Variants in FER1L6 observed in about 807,000 individuals in gnomAD.
The protein encoded by FER1L6 is fer-1 like family member 6.
A neutral mutation model predicts 219.2 loss-of-function variants in FER1L6; 177 were observed. The ratio of observed to expected loss-of-function variants is 0.81; its 90% CI spans 0.71 to 0.91. The LOEUF (loss-of-function observed/expected upper bound fraction) is 0.91, where lower values mean the gene tolerates loss of function less well. Among genes scored for constraint, FER1L6 ranks in the 40% least tolerant of loss-of-function variants. The probability of loss-of-function intolerance (pLI) is 0.00; values close to 1 mark genes in which losing one functional copy is unlikely to be tolerated. For synonymous variants in FER1L6, 768 were observed against 824.3 expected, an observed-to-expected ratio of 0.93 and a Z score of 1.17; for missense variants, 2,153 against 2,259.9, an observed-to-expected ratio of 0.95 and a Z score of 0.96.
At chr8:123,922,968 TA>T (rs1052873446) in intron 1 of FER1L6, among the ~76,000 whole-genome samples, 3 of 123,248 alleles carry the variant, frequency 2.4e-5, no homozygotes, top group Non-Finnish European at 3.4e-5. Context: ...CTGAGATTTA[TA>T]CAGCCCCCCC....
At chr8:123,957,576 C>T (rs1049699436) in intron 2 of FER1L6, among the ~76,000 whole-genome samples, 3 of 152,134 alleles carry the variant, frequency 2.0e-5, no homozygotes, top group African/African-American at 7.2e-5. Context: ...CATTTTATAA[C>T]AGAGGTTCAG....
intron 1 of FER1L6, among the ~76,000 whole-genome samples, chr8:123,911,057 G>A (rs769156932): frequency 2.6e-5 from 4 of 152,058 alleles, no homozygotes; most frequent in Non-Finnish European, 4.4e-5. Context: ...TGACAGTGAC[G>A]ATTATGATGA....
At chr8:123,941,554 TG>T (rs1304474375) in intron 1 of FER1L6, among the ~76,000 whole-genome samples, 2 of 152,242 alleles carry the variant, frequency 1.3e-5, no homozygotes, top group Non-Finnish European at 2.9e-5. Flanking sequence ...TTTCCTGTGC[TG>T]TGCCATCAAT....
At chr8:123,945,630 C>G (rs1404763890) in intron 1 of FER1L6, among the ~76,000 whole-genome samples, 1 of 152,196 alleles carries the variant, frequency 6.6e-6, no homozygotes, top group Admixed American at 6.5e-5. Context: ...TCTTTGTGAG[C>G]AATTGCACTG....
chr8:124,028,800 G>A lies in FER1L6; in HGVS notation c.2286+5204G>A, dbSNP rs191832694. ...ATTTTATTATTTTACTTTAAGTTCC[G>A]GGATACATGTGCACAATGTGCAGGT... is the stretch of plus-strand genomic sequence containing the variant. On this transcript the variant is annotated intron_variant, in intron 18 of 40. Coordinates refer to ENST00000522917, the MANE Select transcript of FER1L6 (RefSeq NM_001039112.2). Among the ~76,000 whole-genome samples the A allele has an allele frequency of 3.0e-4, 46 of 152,258 alleles. No individual in the cohort carries two copies. The East Asian group carries it at 3.7e-3, about 12-fold the overall frequency.
At chr8:123,923,381 C>T (rs1465797181) in intron 1 of FER1L6, among the ~76,000 whole-genome samples, 1 of 152,170 alleles carries the variant, frequency 6.6e-6, no homozygotes, top group African/African-American at 2.4e-5. Context: ...TCCACGTATT[C>T]TGTTGAACTA....
At chr8:123,988,587 T>C (rs1034175898) in intron 12 of FER1L6, among the ~76,000 whole-genome samples, 106 of 152,340 alleles carry the variant, frequency 7.0e-4, no homozygotes, top group African/African-American at 2.5e-3. Flanking sequence ...TTTGTGGCTA[T>C]TGTAAATGGG....
chr8:123,935,513 C>T (rs1295316678), intron 1 of FER1L6, among the ~76,000 whole-genome samples: 1 of 152,146 alleles, frequency 6.6e-6, no homozygotes, highest in Non-Finnish European at 1.5e-5. Context: ...TGAATTTTGG[C>T]AAAAACAGCA....
At chr8:124,010,001 CCGGGGAGGAGA>C (rs2130555523) in intron 13 of FER1L6, among the ~76,000 whole-genome samples, 1 of 151,666 alleles carries the variant, frequency 6.6e-6, no homozygotes, top group African/African-American at 2.4e-5. Flanking sequence ...AGCTGGCGAC[CCGGGGAGGAGA>C]GGTCTTGTTC....
intron 2 of FER1L6, among the ~76,000 whole-genome samples, chr8:123,959,099 A>G (rs1250845382): frequency 2.0e-5 from 3 of 152,142 alleles, no homozygotes; most frequent in Non-Finnish European, 4.4e-5. Context: ...TCTGGTTTTT[A>G]TAAGGTCACC....
At chr8:123,970,532 T>C (rs1425692017) in intron 6 of FER1L6, among the ~76,000 whole-genome samples, 4 of 152,080 alleles carry the variant, frequency 2.6e-5, no homozygotes, top group East Asian at 3.9e-4. Flanking sequence ...AATAAAGAAA[T>C]AGGAACAAGT....
intron 1 of FER1L6, among the ~76,000 whole-genome samples, chr8:123,931,783 G>A (rs1012781725): frequency 6.6e-6 from 1 of 152,078 alleles, no homozygotes; most frequent in African/African-American, 2.4e-5. Context: ...CAACAGTCAA[G>A]GCACTTAACA....
chr8:124,043,905 G>A (rs555334722), intron 20 of FER1L6, among the ~76,000 whole-genome samples: 2 of 152,192 alleles, frequency 1.3e-5, no homozygotes, highest in Non-Finnish European at 2.9e-5. Context: ...AGGTCGATAC[G>A]CACTTATTCA....
chr8:124,023,260 T>C (rs541146549), intron 17 of FER1L6, among the ~76,000 whole-genome samples, 184 bp from the exon 18 acceptor site: 35 of 152,344 alleles, frequency 2.3e-4, no homozygotes, highest in African/African-American at 8.4e-4. Flanking sequence ...TTCTCTTCTC[T>C]AGGAAACTGC....
chr8:124,093,117 C>T lies in FER1L6; in HGVS notation c.4552+1534C>T, dbSNP rs192423685. Among the ~76,000 whole-genome samples the T allele has an allele frequency of 5.6e-3, 845 of 152,168 alleles. 5 individuals carry two copies. The highest frequency in any genetic ancestry group is 8.6e-3 in the Non-Finnish European group (583 of 67,994). Reference sequence around the variant, plus strand: ...GGGATTACAGGTGTGAGCCACCACGCCTGGCAGTGCTACACATTTTTAAAC... The same window carrying T: ...GGGATTACAGGTGTGAGCCACCACGTCTGGCAGTGCTACACATTTTTAAAC... On this transcript the variant is annotated intron_variant, in intron 34 of 40. Transcript: ENST00000522917.
At chr8:123,858,392 A>G (rs1160498806) in intron 1 of FER1L6, among the ~76,000 whole-genome samples, 2 of 152,240 alleles carry the variant, frequency 1.3e-5, no homozygotes, top group Non-Finnish European at 2.9e-5. Context: ...TGGAAGATGT[A>G]TTAGTTAAGG....
chr8:124,070,514 G>T lies in FER1L6; in HGVS notation c.3882G>T (p.Trp1294Cys). The change falls in exon 30 of 41, where the codon TGG becomes TGT. Residue 1294 changes from tryptophan to cysteine, a missense_variant. Transcript: ENST00000522917. ...LESEFNNFED[W>C]VKTFELFRGK... is the part of the protein sequence containing the mutation. ...GTGAATTCAACAATTTTGAAGACTGGGTGAAAACTTTTGAGCTCTTCAGAG... is the reference window on the plus strand; with the variant it reads ...GTGAATTCAACAATTTTGAAGACTGTGTGAAAACTTTTGAGCTCTTCAGAG... 1 of 1,613,608 alleles carries T rather than the reference G, an allele frequency of 6.2e-7. No homozygotes were observed. Among genetic ancestry groups the T allele is most frequent in the Non-Finnish European group, 8.5e-7 (1 of 1,179,704 alleles).
chr8:123,976,216 A>G (rs979242389), intron 9 of FER1L6, 132 bp downstream of exon 9: 2 of 754,334 alleles, frequency 2.7e-6, no homozygotes, highest in Non-Finnish European at 4.1e-6. Flanking sequence ...CAAAAAGGCA[A>G]TGGGGCCAGG....
intron 39 of FER1L6, among the ~76,000 whole-genome samples, chr8:124,116,438 A>T (rs577093566): frequency 2.0e-5 from 3 of 152,176 alleles, no homozygotes; most frequent in African/African-American, 4.8e-5. Context: ...AAAGTGCCAT[A>T]GCCAAAAAGG....
Sources: allele counts gnomAD v4.1 joint callset (sites outside exome capture counted in the v4.1 genomes callset), GRCh38; gene constraint gnomAD v4.1.1; transcripts MANE v1.5; gene names NCBI Gene and HGNC (gene_info 2026-07-23, HGNC 2026-07-21).